ANKS1A: variants seen among roughly 807,000 people sequenced by gnomAD.
The protein encoded by ANKS1A is ankyrin repeat and SAM domain-containing protein 1A.
In ANKS1A, 55 loss-of-function variants were observed where a neutral mutation model predicts 120.3. The ratio of observed to expected loss-of-function variants is 0.46; its 90% CI spans 0.37 to 0.57. The LOEUF (loss-of-function observed/expected upper bound fraction) is 0.57. Among genes scored for constraint, ANKS1A ranks in the 20% least tolerant of loss-of-function variants. The pLI, the probability that ANKS1A is intolerant of heterozygous loss-of-function variation, is 0.00. For missense variants in ANKS1A, 1,123 were observed against 1,480.3 expected (o/e 0.76, Z 3.96); for synonymous variants, 590 against 604.7 (o/e 0.98, Z 0.36).
At chr6:35,006,742 G>A (rs987609229) in intron 10 of ANKS1A, among the ~76,000 whole-genome samples, 1 of 152,086 alleles carries the variant, frequency 6.6e-6, no homozygotes, top group African/African-American at 2.4e-5. Context: ...GTGACAGAGC[G>A]AGACTCCGTC....
In ANKS1A at chr6:35,085,781, A is replaced by T; in HGVS notation, c.3148A>T (p.Ile1050Phe). 6.3e-7 allele frequency: 1 copy of T among 1,595,808 alleles called. No homozygotes were observed. Among genetic ancestry groups the T allele is most frequent in the Non-Finnish European group, 8.5e-7 (1 of 1,172,044 alleles). Residue 1050 changes from isoleucine (I) to phenylalanine (F), a missense_variant, in exon 22 of 24, where the codon ATC becomes TTC. Transcript: ENST00000360359. This position sits in a 1 kb window ranked among gnomAD's most constrained non-coding sequence, Gnocchi z 4.7. ...TTCCTCCCAGAACCTGACCTACGAG[A>T]TCATCCTGACGCTGGGGCAGGCCTT... ...STVDVNLTYEIILTLGQAFEV... is the reference protein window; with the variant it reads ...STVDVNLTYEFILTLGQAFEV...
intron 1 of ANKS1A, among the ~76,000 whole-genome samples, chr6:34,907,926 TCA>T (rs1767720995): frequency 6.6e-6 from 1 of 152,166 alleles, no homozygotes; most frequent in Non-Finnish European, 1.5e-5. Context: ...GCATGGTGGC[TCA>T]CACCTGTAAT....
At chr6:34,910,478 T>A (rs946683944) in intron 1 of ANKS1A, among the ~76,000 whole-genome samples, 2 of 152,192 alleles carry the variant, frequency 1.3e-5, no homozygotes, top group African/African-American at 4.8e-5. Flanking sequence ...GGAGGATCAC[T>A]TGAGCCTCGG....
intron 11 of ANKS1A, among the ~76,000 whole-genome samples, chr6:35,048,176 AGACG>A (rs1775807183): frequency 6.6e-6 from 1 of 152,238 alleles, no homozygotes; most frequent in Non-Finnish European, 1.5e-5. Flanking sequence ...TTGTCAGGGA[AGACG>A]GACAAAGCAC....
intron 1 of ANKS1A, among the ~76,000 whole-genome samples, chr6:34,931,786 C>T (rs545705518): frequency 4.5e-4 from 68 of 152,274 alleles, no homozygotes; most frequent in African/African-American, 1.4e-3. Flanking sequence ...CTCAGATGAA[C>T]ACATAGGTTG....
chr6:35,097,661 C>CAT, the ANKS1A span, among the ~76,000 whole-genome samples: 2 of 114,044 alleles, frequency 1.8e-5, no homozygotes, highest in South Asian at 2.6e-4. Context: ...AAAAAAAACA[C>CAT]ATACACACAC....
intron 1 of ANKS1A, among the ~76,000 whole-genome samples, chr6:34,890,332 C>T (rs545983750): frequency 3.3e-4 from 50 of 152,280 alleles, no homozygotes; most frequent in South Asian, 1.2e-3. Flanking sequence ...CCTCAGGAAC[C>T]GCCCGCCTCG....
chr6:35,022,676 A>G (rs755699387), intron 11 of ANKS1A, among the ~76,000 whole-genome samples: 34 of 152,230 alleles, frequency 2.2e-4, no homozygotes, highest in Non-Finnish European at 4.1e-4. Flanking sequence ...TAGAGGGCAA[A>G]CTGAGAAGGT....
Position 35,044,397 on chromosome 6 carries a change from C to T in ANKS1A, c.2011-9702C>T, listed in dbSNP as rs1241944449. 2.6e-5 allele frequency among the ~76,000 whole-genome samples: 4 copies of T among 152,240 alleles called. No homozygotes were observed. The highest frequency in any genetic ancestry group is 2.6e-4 in the Admixed American group (4 of 15,288). On this transcript the variant is annotated intron_variant, in intron 11 of 23. Coordinates refer to ENST00000360359, the MANE Select transcript of ANKS1A (RefSeq NM_015245.3). The surrounding 1 kb of genome is among the most constrained non-coding windows in gnomAD (Gnocchi z 4.4). ...GTTGCTGAAAGCGGCAAAGCTGATT[C>T]CACAGTCTCAGGCATTTCACTACCT...
intron 1 of ANKS1A, among the ~76,000 whole-genome samples, chr6:34,898,679 AT>A (rs776507480): frequency 4.1e-4 from 62 of 152,292 alleles, no homozygotes; most frequent in Non-Finnish European, 8.4e-4. Flanking sequence ...ACCTACAGAA[AT>A]TAACTTGAAA....
chr6:34,991,569 CACACACACACATATACACATAT>C (rs1772522504), intron 9 of ANKS1A, among the ~76,000 whole-genome samples: 1 of 72,220 alleles, frequency 1.4e-5, no homozygotes, highest in African/African-American at 3.2e-5. Flanking sequence ...CACACACACA[CACACACACACATATACACATAT>C]ATATATACAC....
Position 35,086,428 on chromosome 6 carries a change from T to C in ANKS1A, c.3303+492T>C. On this transcript the variant is annotated intron_variant, in intron 22 of 23. Transcript: ENST00000360359. This position sits in a 1 kb window ranked among gnomAD's most constrained non-coding sequence, Gnocchi z 5.1. ...TCCCCGAAGTGACCGTGAGCGCTCT[T>C]AGCCTCTGGCGGCCTCTCCCTCTGC... The C allele has an allele frequency of 8.8e-7, 1 of 1,135,324 alleles. No homozygotes were observed. Among genetic ancestry groups the C allele is most frequent in the African/African-American group, 1.6e-5 (1 of 62,686 alleles). The allele number at this position is 1,135,324 out of a possible 1,614,324, so 70.3% of individuals were successfully genotyped here. A position where few individuals can be genotyped will look rare whatever the true frequency, so the allele number is the denominator to read the frequency against.
downstream of ANKS1A, among the ~76,000 whole-genome samples, chr6:35,095,889 A>ATGT (rs1002702298): frequency 6.6e-6 from 1 of 152,216 alleles, no homozygotes; most frequent in Non-Finnish European, 1.5e-5. Flanking sequence ...CAAAACAATT[A>ATGT]TGTAATCCTC....
At chr6:34,969,504 C>G (rs577889208) in intron 2 of ANKS1A, among the ~76,000 whole-genome samples, 1 of 152,360 alleles carries the variant, frequency 6.6e-6, no homozygotes, top group East Asian at 1.9e-4. Context: ...ATCCACCCGC[C>G]TCAGCCTTCC....
chr6:34,908,606 A>G (rs1401828838), intron 1 of ANKS1A, among the ~76,000 whole-genome samples: 2 of 152,224 alleles, frequency 1.3e-5, no homozygotes, highest in Non-Finnish European at 2.9e-5. Context: ...ATATGTTGTG[A>G]CAGAATGATT....
intron 11 of ANKS1A, among the ~76,000 whole-genome samples, chr6:35,027,863 GCT>G (rs1774707201): frequency 6.6e-6 from 1 of 152,212 alleles, no homozygotes. Flanking sequence ...GCCTGTAGCT[GCT>G]GGGCAGGGCC....
chr6:35,035,963 G>A (rs1318082063), intron 11 of ANKS1A, among the ~76,000 whole-genome samples: 1 of 152,134 alleles, frequency 6.6e-6, no homozygotes, highest in Non-Finnish European at 1.5e-5. Context: ...TTAGCACAAG[G>A]TTCATTTAAA....
rs115639975 is a variant in ANKS1A at position 34,908,757 on chromosome 6, G to A, written c.197+19158G>A. ...TGCTTGGTGTACGAATGCATTTGCT[G>A]ACCCTTTACAATAACAACATGGCCC... On this transcript the variant is annotated intron_variant, in intron 1 of 23. Coordinates refer to ENST00000360359, the MANE Select transcript of ANKS1A (RefSeq NM_015245.3). 7.6e-3 allele frequency among the ~76,000 whole-genome samples: 1,153 copies of A among 152,182 alleles called. 20 individuals are homozygous for A. Among genetic ancestry groups the A allele is most frequent in the African/African-American group, 0.025 (1,056 of 41,512 alleles).
intron 10 of ANKS1A, among the ~76,000 whole-genome samples, chr6:35,007,616 G>C (rs1342027981): frequency 1.3e-5 from 2 of 152,198 alleles, no homozygotes; most frequent in Non-Finnish European, 2.9e-5. Flanking sequence ...GTAGCCAAGA[G>C]CTCTAAAAGC....
Sources: allele counts gnomAD v4.1 joint callset (sites outside exome capture counted in the v4.1 genomes callset), GRCh38; gene constraint gnomAD v4.1.1; non-coding constraint Gnocchi (gnomAD v3.1); transcripts MANE v1.5; gene names NCBI Gene and HGNC (gene_info 2026-07-23, HGNC 2026-07-21).